Variants in NUBPL observed in about 807,000 individuals in gnomAD.
The protein encoded by NUBPL is NUBP iron-sulfur cluster assembly factor, mitochondrial.
A neutral mutation model predicts 45.7 loss-of-function variants in NUBPL; 31 were observed. The ratio of observed to expected loss-of-function variants is 0.68; its 90% CI spans 0.51 to 0.92. NUBPL has a LOEUF of 0.92. Ranked by LOEUF, NUBPL falls within the 40% of genes least tolerant of loss-of-function variation. The pLI, the probability that NUBPL is intolerant of heterozygous loss-of-function variation, is 0.00. For missense variants in NUBPL, 401 were observed against 398.7 expected, an observed-to-expected ratio of 1.01 and a Z score of -0.05; for synonymous variants, 144 against 140.9, an observed-to-expected ratio of 1.02 and a Z score of -0.15.
intron 7 of NUBPL, among the ~76,000 whole-genome samples, chr14:31,800,085 G>A (rs1259297467): frequency 6.6e-6 from 1 of 151,600 alleles, no homozygotes; most frequent in African/African-American, 2.4e-5. Context: ...TTCATAAGGA[G>A]CAATTCCTTA....
intron 4 of NUBPL, among the ~76,000 whole-genome samples, chr14:31,638,180 G>C (rs1040377984): frequency 2.0e-5 from 3 of 151,978 alleles, no homozygotes; most frequent in Admixed American, 6.6e-5. Context: ...TTTCTTCCTA[G>C]TCTCGATGGT....
At chr14:31,811,722 T>G (rs1280219543) in intron 7 of NUBPL, among the ~76,000 whole-genome samples, 2 of 152,204 alleles carry the variant, frequency 1.3e-5, no homozygotes, top group Non-Finnish European at 2.9e-5. Flanking sequence ...AATTTTTACC[T>G]TTTCTGCTCT....
At chr14:31,669,405 C>T (rs567537055) in intron 4 of NUBPL, among the ~76,000 whole-genome samples, 15 of 151,296 alleles carry the variant, frequency 9.9e-5, no homozygotes, top group Non-Finnish European at 4.4e-5. Context: ...CACTTAATGT[C>T]CTCCAGGCTT....
At chr14:31,699,778 T>C (rs2037292244) in intron 6 of NUBPL, among the ~76,000 whole-genome samples, 1 of 152,216 alleles carries the variant, frequency 6.6e-6, no homozygotes, top group Admixed American at 6.5e-5. Context: ...AAATATATTT[T>C]TGTGAAGTTT....
intron 3 of NUBPL, among the ~76,000 whole-genome samples, chr14:31,576,918 C>T (rs2033732588): frequency 1.3e-5 from 2 of 152,172 alleles, no homozygotes; most frequent in African/African-American, 4.8e-5. Flanking sequence ...TGTTGCATGG[C>T]CTTCCTCAGC....
chr14:31,576,990 A>G (rs1341516084), intron 3 of NUBPL, among the ~76,000 whole-genome samples: 1 of 152,214 alleles, frequency 6.6e-6, no homozygotes, highest in Non-Finnish European at 1.5e-5. Context: ...TTAGTGTCCC[A>G]GTGAATAAGG....
chr14:31,740,252 A>G (rs1214159668), intron 6 of NUBPL, among the ~76,000 whole-genome samples: 2 of 152,052 alleles, frequency 1.3e-5, no homozygotes, highest in Non-Finnish European at 2.9e-5. Context: ...TGGCTGTACC[A>G]ATTTGCATCC....
At chr14:31,732,832 G>A (rs1418726844) in intron 6 of NUBPL, among the ~76,000 whole-genome samples, 3 of 151,850 alleles carry the variant, frequency 2.0e-5, no homozygotes, top group South Asian at 2.1e-4. Flanking sequence ...GGCTGGTCTC[G>A]AACTCCTGAC....
chr14:31,857,371 G>A (rs575015622), intron 10 of NUBPL, among the ~76,000 whole-genome samples: 2 of 152,158 alleles, frequency 1.3e-5, no homozygotes, highest in Non-Finnish European at 2.9e-5. Flanking sequence ...GATGGGAGAG[G>A]CTGCCATGAA....
chr14:31,793,585 G>C (rs1026526760), intron 7 of NUBPL, among the ~76,000 whole-genome samples: 2 of 152,152 alleles, frequency 1.3e-5, no homozygotes, highest in Non-Finnish European at 2.9e-5. Flanking sequence ...GCCAAACTCA[G>C]TGCCTTTCTG....
At chr14:31,716,072 A>G (rs1409765804) in intron 6 of NUBPL, among the ~76,000 whole-genome samples, 1 of 151,894 alleles carries the variant, frequency 6.6e-6, no homozygotes, top group African/African-American at 2.4e-5. Context: ...CTAGGCCTAC[A>G]TGGGTCAGGA....
At chr14:31,593,571 C>T (rs1481871352) in intron 3 of NUBPL, among the ~76,000 whole-genome samples, 1 of 150,108 alleles carries the variant, frequency 6.7e-6, no homozygotes. Context: ...CGGAGGTGTC[C>T]TGGAACCAAT....
At chr14:31,816,316 A>G (rs75887406) in intron 7 of NUBPL, among the ~76,000 whole-genome samples, 1 of 152,252 alleles carries the variant, frequency 6.6e-6, no homozygotes, top group South Asian at 2.1e-4. Flanking sequence ...GTTTATTTGC[A>G]TAGAGGTGTT....
intron 7 of NUBPL, among the ~76,000 whole-genome samples, chr14:31,798,875 T>C (rs1165626019): frequency 6.6e-6 from 1 of 151,782 alleles, no homozygotes. Flanking sequence ...CCTTTCTAAT[T>C]CTCTCTCCTT....
chr14:31,626,268 C>G (rs1268333143), intron 4 of NUBPL, among the ~76,000 whole-genome samples: 1 of 152,108 alleles, frequency 6.6e-6, no homozygotes, highest in East Asian at 1.9e-4. Context: ...AGCGATCCCC[C>G]TGCCTCAGCC....
At chr14:31,785,074 C>G (rs914743320) in intron 6 of NUBPL, among the ~76,000 whole-genome samples, 2 of 152,138 alleles carry the variant, frequency 1.3e-5, no homozygotes, top group Non-Finnish European at 2.9e-5. Flanking sequence ...AAAGTAGCAC[C>G]TTCCACCATT....
chr14:31,612,142 A>G (rs1451852703), intron 4 of NUBPL, among the ~76,000 whole-genome samples: 1 of 152,262 alleles, frequency 6.6e-6, no homozygotes, highest in East Asian at 1.9e-4. Flanking sequence ...CCACAGAATG[A>G]GAGAAAATAT....
intron 3 of NUBPL, among the ~76,000 whole-genome samples, chr14:31,580,486 C>T (rs1223962853): frequency 2.6e-5 from 4 of 152,080 alleles, no homozygotes; most frequent in Admixed American, 2.0e-4. Context: ...GGCATGGTGG[C>T]GTACAGCTGT....
chr14:31,802,067 G>A (rs569506609), intron 7 of NUBPL, among the ~76,000 whole-genome samples: 25 of 152,274 alleles, frequency 1.6e-4, no homozygotes, highest in African/African-American at 5.3e-4. Context: ...TTAATAGGTG[G>A]GGACTTTAAG....
Sources: gnomAD v4.1 joint callset for allele counts (sites outside exome capture counted in the v4.1 genomes callset) on GRCh38, gnomAD v4.1.1 for gene constraint, MANE v1.5 for transcripts, NCBI Gene and HGNC (gene_info 2026-07-23, HGNC 2026-07-21) for gene names.